CSMD1: variants seen among roughly 807,000 people sequenced by gnomAD.
CSMD1 encodes the protein CUB and sushi domain-containing protein 1.
Under a neutral mutation model 417.5 loss-of-function variants are expected in CSMD1, and 213 were observed. The ratio of observed to expected loss-of-function variants is 0.51; its 90% CI spans 0.46 to 0.57. The LOEUF (loss-of-function observed/expected upper bound fraction) is 0.57, where lower values mean the gene tolerates loss of function less well. Ranked by LOEUF, CSMD1 falls within the 20% of genes least tolerant of loss-of-function variation. The pLI is 0.00. For missense variants in CSMD1, 6,923 were observed against 4,529.7 expected (o/e 1.53, Z -15.17); for synonymous variants, 2,862 against 1,736.8 (o/e 1.65, Z -16.11).
intron 2 of CSMD1, among the ~76,000 whole-genome samples, chr8:4,542,507 T>G (rs983636143): frequency 6.6e-6 from 1 of 152,226 alleles, no homozygotes; most frequent in African/African-American, 2.4e-5. Flanking sequence ...GCACAATTAT[T>G]GAAGCCTCCT....
chr8:3,617,836 C>G (rs369116969), intron 7 of CSMD1, among the ~76,000 whole-genome samples: 3 of 152,062 alleles, frequency 2.0e-5, no homozygotes, highest in Admixed American at 6.6e-5. Context: ...CAATGAATAG[C>G]TGATTCTATT....
At chr8:3,130,281 A>T (rs1403888099) in intron 41 of CSMD1, among the ~76,000 whole-genome samples, 2 of 152,140 alleles carry the variant, frequency 1.3e-5, no homozygotes, top group Non-Finnish European at 2.9e-5. Flanking sequence ...TTGAGCAGGA[A>T]GATGGGAGAG....
intron 1 of CSMD1, among the ~76,000 whole-genome samples, chr8:4,856,640 A>C (rs2116855884): frequency 6.8e-6 from 1 of 147,668 alleles, no homozygotes; most frequent in South Asian, 2.2e-4. Context: ...AACAGACTTT[A>C]AACCAACAAA....
chr8:4,717,785 A>T (rs1349666912), intron 1 of CSMD1, among the ~76,000 whole-genome samples: 2 of 152,118 alleles, frequency 1.3e-5, no homozygotes, highest in African/African-American at 2.4e-5. Flanking sequence ...ATAAAAGCAT[A>T]CAAAGGTAGA....
intron 2 of CSMD1, among the ~76,000 whole-genome samples, chr8:4,619,863 G>A (rs569829667): frequency 6.6e-6 from 1 of 152,090 alleles, no homozygotes; most frequent in South Asian, 2.1e-4. Flanking sequence ...ATAAAATGAA[G>A]TCATTTTAGG....
intron 5 of CSMD1, among the ~76,000 whole-genome samples, chr8:3,795,083 C>G (rs1222239374): frequency 1.4e-5 from 2 of 141,494 alleles, no homozygotes; most frequent in African/African-American, 5.2e-5. Context: ...TCATGTACAG[C>G]TATAGATATA....
At chr8:3,575,769 A>C (rs1228378996) in intron 9 of CSMD1, among the ~76,000 whole-genome samples, 1 of 152,168 alleles carries the variant, frequency 6.6e-6, no homozygotes, top group East Asian at 1.9e-4. Flanking sequence ...GAAGCATAGA[A>C]ATTGCATAAT....
intron 2 of CSMD1, among the ~76,000 whole-genome samples, chr8:4,598,835 C>T (rs1043352105): frequency 6.6e-6 from 1 of 151,838 alleles, no homozygotes; most frequent in East Asian, 1.9e-4. Context: ...ATTGTCCAAG[C>T]TTATGAAAAT....
At chr8:4,857,739 C>A (rs1418472594) in intron 1 of CSMD1, among the ~76,000 whole-genome samples, 3 of 151,852 alleles carry the variant, frequency 2.0e-5, no homozygotes, top group Non-Finnish European at 4.4e-5. Context: ...CTGAATAGAC[C>A]AATAACAGGA....
chr8:4,311,823 G>C (rs953620812), intron 3 of CSMD1, among the ~76,000 whole-genome samples: 5 of 151,972 alleles, frequency 3.3e-5, no homozygotes, highest in African/African-American at 4.8e-5. Flanking sequence ...ATGGTGGAGA[G>C]TGCGAAGGAG....
intron 12 of CSMD1, among the ~76,000 whole-genome samples, chr8:3,450,405 C>A (rs1342276032): frequency 6.6e-6 from 1 of 151,918 alleles, no homozygotes; most frequent in African/African-American, 2.4e-5. Context: ...TGGTGTGCTG[C>A]ACCCATTAAC....
intron 21 of CSMD1, among the ~76,000 whole-genome samples, chr8:3,358,824 T>C (rs1808968750): frequency 6.6e-6 from 1 of 151,660 alleles, no homozygotes; most frequent in Non-Finnish European, 1.5e-5. Context: ...GCTTCTATCT[T>C]CCAGTTTTTC....
intron 5 of CSMD1, among the ~76,000 whole-genome samples, chr8:3,954,201 G>T (rs774091458): frequency 2.6e-5 from 4 of 152,142 alleles, no homozygotes; most frequent in African/African-American, 9.7e-5. Context: ...TTTGACTGAG[G>T]GGCATAAAGG....
intron 5 of CSMD1, among the ~76,000 whole-genome samples, chr8:3,935,253 T>G (rs530967295): frequency 6.6e-6 from 1 of 152,298 alleles, no homozygotes; most frequent in Non-Finnish European, 1.5e-5. Flanking sequence ...AAGAACAGAA[T>G]CATTATATGA....
At chr8:3,565,225 G>GACAT (rs1799654852) in intron 10 of CSMD1, among the ~76,000 whole-genome samples, 1 of 139,648 alleles carries the variant, frequency 7.2e-6, no homozygotes, top group Non-Finnish European at 1.5e-5. Context: ...GAGATAGACA[G>GACAT]ATAGATAGAT....
chr8:3,119,039 G>C (rs1817032178), intron 41 of CSMD1, among the ~76,000 whole-genome samples: 1 of 152,028 alleles, frequency 6.6e-6, no homozygotes, highest in Non-Finnish European at 1.5e-5. Flanking sequence ...AGTTAGCCTG[G>C]CGTGGTGGCG....
chr8:3,962,181 T>C (rs566174390), intron 5 of CSMD1, among the ~76,000 whole-genome samples: 34 of 152,218 alleles, frequency 2.2e-4, no homozygotes, highest in Middle Eastern at 3.4e-3. Context: ...CTGAGGTGGT[T>C]TGAATATACC....
intron 20 of CSMD1, among the ~76,000 whole-genome samples, chr8:3,362,772 C>G (rs776504754): frequency 6.6e-6 from 1 of 152,116 alleles, no homozygotes; most frequent in African/African-American, 2.4e-5. Context: ...AATCTTGACC[C>G]CACTCTGTAT....
chr8:3,315,679 C>T (rs542471709), intron 23 of CSMD1, among the ~76,000 whole-genome samples: 2 of 151,952 alleles, frequency 1.3e-5, no homozygotes, highest in Non-Finnish European at 2.9e-5. Flanking sequence ...AGGTTGTTGA[C>T]AATGTTTAAA....
Sources: allele counts gnomAD v4.1 joint callset (sites outside exome capture counted in the v4.1 genomes callset), GRCh38; gene constraint gnomAD v4.1.1; transcripts MANE v1.5; gene names NCBI Gene and HGNC (gene_info 2026-07-23, HGNC 2026-07-21).